Variants in ANKDD1A observed in about 807,000 individuals in gnomAD.
ANKDD1A encodes the protein ankyrin repeat and death domain-containing protein 1A.
ANKDD1A carries 59 observed loss-of-function variants against 63.5 expected under a neutral mutation model. That is an observed-to-expected ratio of 0.93 (90% CI 0.75 to 1.15). The LOEUF (loss-of-function observed/expected upper bound fraction) is 1.15, where lower values mean the gene tolerates loss of function less well. Among genes scored for constraint, ANKDD1A ranks in the 50% most tolerant of loss-of-function variants. ANKDD1A has a pLI of 0.00. For missense variants in ANKDD1A, 632 were observed against 656.4 expected (o/e 0.96, Z 0.41); for synonymous variants, 266 against 263.9 (o/e 1.01, Z -0.08).
In ANKDD1A at chr15:64,954,890, CTTCT is replaced by C. The variant is rs1187810258; in HGVS notation, c.1484-2211_1484-2208del. ...CCTTTTCTTCTTCCTTCTCCTCCTC[CTTCT>C]TCCTTCTTCTCTTGTCTCTTCTCTC... On this transcript the variant is annotated intron_variant, in intron 14 of 14. Coordinates refer to ENST00000319580, the MANE Select transcript of ANKDD1A (RefSeq NM_182703.6). 6.3e-4 allele frequency among the ~76,000 whole-genome samples: 90 copies of C among 143,542 alleles called. 1 individual carries two copies. The highest frequency in any genetic ancestry group is 5.4e-3 in the East Asian group (26 of 4,842). The allele number at this position is 143,542 out of a possible 152,430, so 94.2% of individuals were successfully genotyped here. A position where few individuals can be genotyped will look rare whatever the true frequency, so the allele number is the denominator to read the frequency against.
chr15:64,931,384 G>A, intron 7 of ANKDD1A, 103 bp from the exon 8 acceptor site: 2 of 1,083,144 alleles, frequency 1.8e-6, no homozygotes, highest in South Asian at 1.5e-5. Context: ...AGCTCAAGGG[G>A]TCCTGGGGCC....
chr15:64,950,554 T>C (rs1355113056), intron 14 of ANKDD1A: 7 of 985,420 alleles, frequency 7.1e-6, no homozygotes, highest in Non-Finnish European at 8.4e-6. Flanking sequence ...AACGCTGTGA[T>C]ACCCACTGAC....
chr15:64,931,397 G>A, intron 7 of ANKDD1A, 90 bp from the exon 8 acceptor site: 1 of 1,283,668 alleles, frequency 7.8e-7, no homozygotes, highest in South Asian at 1.4e-5. Context: ...CTGGGGCCAA[G>A]GCACAAGGGG....
intron 3 of ANKDD1A, among the ~76,000 whole-genome samples, chr15:64,918,626 C>G (rs180848882): frequency 4.6e-5 from 7 of 152,064 alleles, no homozygotes; most frequent in African/African-American, 1.7e-4. Flanking sequence ...AAAGAAGCTA[C>G]GAGGGAGAAC....
rs1198468970 is a variant in ANKDD1A at position 64,931,455 on chromosome 15, A to G, written c.670-32A>G. On this transcript the variant is annotated intron_variant, in intron 7 of 14. Coordinates refer to ENST00000319580, the MANE Select transcript of ANKDD1A (RefSeq NM_182703.6). ...GGGTCACTTGGGGGTGGGCCTCCCC[A>G]CCATCCTCATTGCTCTTCTTGTGTG... is the stretch of plus-strand genomic sequence containing the variant. The G allele has an allele frequency of 1.9e-6, 3 of 1,600,912 alleles. No homozygotes were observed. The African/African-American group carries it at 4.0e-5, about 21-fold the overall frequency.
chr15:64,946,502 G>A (rs1441453245), intron 12 of ANKDD1A, among the ~76,000 whole-genome samples: 5 of 152,128 alleles, frequency 3.3e-5, no homozygotes, highest in East Asian at 3.8e-4. Context: ...TGGACTAGCC[G>A]ATTCATCTCT....
At position 64,949,910 on chromosome 15, in the gene ANKDD1A, G is replaced by T; in HGVS notation, c.1421G>T (p.Gly474Val). ...LIWLHGVATA[G>V]ENPSKALFEG... The stretch of plus-strand genomic sequence containing the variant: ...TGGCTGCATGGCGTGGCCACGGCTG[G>T]TGAGAACCCCAGCAAAGCGCTGTTC... The change falls in exon 14 of 15, where the codon GGT becomes GTT. Residue 474 changes from glycine to valine, a missense_variant. Physicochemically the swap from Gly to Val is moderately radical, Grantham distance 109. Coordinates refer to ENST00000319580, the MANE Select transcript of ANKDD1A (RefSeq NM_182703.6). The T allele has an allele frequency of 6.2e-7, 1 of 1,608,566 alleles. No homozygotes were observed.
Position 64,944,699 on chromosome 15 carries a change from C to T in ANKDD1A, c.1113C>T (p.Ser371=). The T allele has an allele frequency of 3.1e-6, 5 of 1,614,088 alleles. No individual in the cohort carries two copies. The highest frequency in any genetic ancestry group is 4.2e-6 in the Non-Finnish European group (5 of 1,179,990). Reference sequence around the variant, plus strand: ...TGGCCGTCCGCAGCAACCATGTCAGCCTGGTGGACATGATCATAAAAGCTG... The same window carrying T: ...TGGCCGTCCGCAGCAACCATGTCAGTCTGGTGGACATGATCATAAAAGCTG... ...LAVAVRSNHV[S]LVDMIIKADR... Residue 371 remains serine (S), a synonymous_variant, in exon 12 of 15, where the codon AGC becomes AGT. Coordinates refer to ENST00000319580, the MANE Select transcript of ANKDD1A (RefSeq NM_182703.6).
At chr15:64,934,821 C>T (rs2085116180) in intron 9 of ANKDD1A, among the ~76,000 whole-genome samples, 1 of 152,022 alleles carries the variant, frequency 6.6e-6, no homozygotes, top group South Asian at 2.1e-4. Context: ...CAAGCCTAGG[C>T]ATTGGGTTTT....
At chr15:64,951,400 TTTTCTTTTTTC>T (rs1182962665) in intron 14 of ANKDD1A, 6,808 of 190,588 alleles carry the variant, frequency 0.036, 572 homozygotes, top group African/African-American at 0.26. Flanking sequence ...TCTTCCTCTT[TTTTCTTTTTTC>T]TTTTCTTCCT....
At chr15:64,929,952 G>T (rs1052941470) in intron 6 of ANKDD1A, among the ~76,000 whole-genome samples, 6 of 152,168 alleles carry the variant, frequency 3.9e-5, no homozygotes, top group Non-Finnish European at 7.3e-5. Context: ...CAGGGACATG[G>T]ATGAAGCCAG....
rs769865861 is a variant in ANKDD1A at position 64,926,100 on chromosome 15, A to T, written c.401A>T (p.Lys134Ile). Residue 134 changes from lysine to isoleucine, a missense_variant, in exon 5 of 15, where the codon AAA (lysine) becomes ATA (isoleucine). By Grantham distance (102) the Lys-to-Ile change is moderately radical (BLOSUM62 -3). Coordinates refer to ENST00000319580, the MANE Select transcript of ANKDD1A (RefSeq NM_182703.6). ...ACCTTACTGCACTGCGCAGCCCAAAAAGGCCATGTGCCTGTGCTGGCGTTC... is the reference window on the plus strand; with the variant it reads ...ACCTTACTGCACTGCGCAGCCCAAATAGGCCATGTGCCTGTGCTGGCGTTC... ...GLTLLHCAAQKGHVPVLAFIM... is the reference protein window; with the variant it reads ...GLTLLHCAAQIGHVPVLAFIM... The T allele has an allele frequency of 1.2e-6, 2 of 1,613,812 alleles. No individual in the cohort carries two copies. The highest frequency in any genetic ancestry group is 2.7e-5 in the African/African-American group (2 of 74,906).
At chr15:64,934,276 G>T (rs376748073) in intron 9 of ANKDD1A, 42 bp downstream of exon 9, 67 of 1,568,850 alleles carry the variant, frequency 4.3e-5, no homozygotes, top group Non-Finnish European at 5.6e-5. Context: ...CCATTGCAAA[G>T]CCTTCCATGA....
Position 64,953,623 on chromosome 15 carries a change from T to C in ANKDD1A, c.1484-3480T>C, listed in dbSNP as rs1179677487. Among the ~76,000 whole-genome samples, 73 of 93,914 alleles carry C rather than the reference T, an allele frequency of 7.8e-4. 8 individuals carry two copies. Among genetic ancestry groups the C allele is most frequent in the Non-Finnish European group, 9.5e-4 (41 of 43,000 alleles). 61.6% of individuals were successfully genotyped at this position (93,914 alleles called of 152,430 possible). Reference sequence around the variant, plus strand: ...TTCTTCTTTCTTCTCTCCTTCTTCTTCTTCTTCCTTCTTCTTCCTCTTCCT... The same window carrying C: ...TTCTTCTTTCTTCTCTCCTTCTTCTCCTTCTTCCTTCTTCTTCCTCTTCCT... On this transcript the variant is annotated intron_variant, in intron 14 of 14. Transcript: ENST00000319580.
At chr15:64,951,184 T>C in intron 14 of ANKDD1A, 4 of 1,051,276 alleles carry the variant, frequency 3.8e-6, no homozygotes, top group Non-Finnish European at 4.6e-6. Context: ...GTTTGTACAC[T>C]GATCTTTTTC....
At chr15:64,924,369 G>T (rs559355032) in intron 4 of ANKDD1A, among the ~76,000 whole-genome samples, 1 of 152,262 alleles carries the variant, frequency 6.6e-6, no homozygotes, top group Non-Finnish European at 1.5e-5. Flanking sequence ...CCCATCACAG[G>T]ACCAGTGTAG....
rs370093169 is a variant in ANKDD1A at position 64,930,879 on chromosome 15, C to T, written c.628C>T (p.Arg210Ter). The change falls in exon 7 of 15, where the codon CGA (arginine) becomes TGA (stop). Residue 210 changes from arginine to a stop codon, truncating the protein, a stop_gained. Transcript: ENST00000319580. LOFTEE classifies it high-confidence loss of function. ...AGRGHMAVLQ[R>*]LVDIGLDLEE... ...TCGGGGCCATATGGCTGTGCTGCAG[C>T]GACTTGTGGACATCGGGCTGGACCT... The T allele has an allele frequency of 2.4e-5, 38 of 1,612,860 alleles. No individual in the cohort carries two copies. The highest frequency in any genetic ancestry group is 1.6e-4 in the East Asian group (7 of 44,886).
intron 12 of ANKDD1A, among the ~76,000 whole-genome samples, chr15:64,945,031 A>T (rs2085212316): frequency 6.6e-6 from 1 of 152,234 alleles, no homozygotes; most frequent in Admixed American, 6.5e-5. Flanking sequence ...GCATGAATGC[A>T]TACAGACATG....
intron 6 of ANKDD1A, among the ~76,000 whole-genome samples, chr15:64,927,607 T>A (rs2085055893): frequency 3.3e-5 from 5 of 149,472 alleles, no homozygotes; most frequent in Middle Eastern, 3.4e-3. Flanking sequence ...ATTCCCTTTT[T>A]TTTTTTTTTT....
Sources: gnomAD v4.1 joint callset for allele counts (sites outside exome capture counted in the v4.1 genomes callset) on GRCh38, gnomAD v4.1.1 for gene constraint, MANE v1.5 for transcripts, NCBI Gene and HGNC (gene_info 2026-07-23, HGNC 2026-07-21) for gene names.